ROBO2: variants seen among roughly 807,000 people sequenced by gnomAD.
ROBO2 encodes the protein roundabout guidance receptor 2.
Under a neutral mutation model 160.8 loss-of-function variants are expected in ROBO2, and 53 were observed. The observed-to-expected ratio is 0.33, with a 90% CI of 0.26 to 0.41. The LOEUF is 0.41. ROBO2 is among the 10% of genes least tolerant of loss of function. The pLI is 1.00. For synonymous variants in ROBO2, 664 were observed against 611.7 expected (o/e 1.09, Z -1.26); for missense variants, 1,577 against 1,722.4 (o/e 0.92, Z 1.49).
chr3:76,962,983 A>G (rs562797309), intron 2 of ROBO2, among the ~76,000 whole-genome samples: 113 of 152,300 alleles, frequency 7.4e-4, no homozygotes, highest in African/African-American at 2.6e-3. Context: ...TTAATCTAGT[A>G]GGAATTACTG....
intron 1 of ROBO2, among the ~76,000 whole-genome samples, chr3:75,931,598 C>T (rs928472279): frequency 5.9e-5 from 9 of 152,206 alleles, no homozygotes; most frequent in South Asian, 2.1e-4. Flanking sequence ...GTGATTCATC[C>T]GCCTTGGCCT....
intron 2 of ROBO2, among the ~76,000 whole-genome samples, chr3:77,467,156 G>A (rs192135473): frequency 6.4e-4 from 97 of 152,158 alleles, no homozygotes; most frequent in African/African-American, 2.3e-3. Context: ...TATTCAAATG[G>A]ACAACTATAG....
intron 6 of ROBO2, among the ~76,000 whole-genome samples, chr3:77,525,793 T>A (rs1298251543): frequency 6.6e-6 from 1 of 151,140 alleles, no homozygotes; most frequent in African/African-American, 2.4e-5. Flanking sequence ...TTCTTTTTTT[T>A]TTTTCTTTTG....
At chr3:76,551,289 AC>A (rs1034784890) in intron 2 of ROBO2, among the ~76,000 whole-genome samples, 16 of 152,070 alleles carry the variant, frequency 1.1e-4, no homozygotes, top group African/African-American at 3.9e-4. Context: ...GAAGGGAGCT[AC>A]CTACTAAAGG....
chr3:77,351,290 C>T (rs1221261661), intron 2 of ROBO2, among the ~76,000 whole-genome samples: 2 of 152,100 alleles, frequency 1.3e-5, no homozygotes, highest in Non-Finnish European at 2.9e-5. Context: ...ATTGTGATGG[C>T]ATAAGAACAC....
At chr3:76,274,341 A>G (rs1707790734) in intron 2 of ROBO2, among the ~76,000 whole-genome samples, 1 of 150,230 alleles carries the variant, frequency 6.7e-6, no homozygotes, top group Non-Finnish European at 1.5e-5. Flanking sequence ...CTAAAACTTA[A>G]AGTATAATTA....
At position 76,480,229 on chromosome 3, in the gene ROBO2, A is replaced by C. The variant is rs543458822; in HGVS notation, c.109+542627A>C. 3.3e-5 allele frequency among the ~76,000 whole-genome samples: 5 copies of C among 151,870 alleles called. No homozygotes were observed. In the South Asian group the frequency reaches 8.3e-4, roughly 25 times the overall value. ...GATTACACATTCACTTTTCTTCTTC[A>C]CTCTCCTAGAATAGTGATATCCTCC... On this transcript the variant is annotated intron_variant, in intron 2 of 26. Transcript: ENST00000487694.
At chr3:76,877,041 T>A (rs997848563) in intron 2 of ROBO2, among the ~76,000 whole-genome samples, 1 of 152,194 alleles carries the variant, frequency 6.6e-6, no homozygotes, top group African/African-American at 2.4e-5. Context: ...GGTAAAAGGA[T>A]ATTTTACATT....
At chr3:77,402,170 A>T (rs1291492493) in intron 2 of ROBO2, among the ~76,000 whole-genome samples, 1 of 152,186 alleles carries the variant, frequency 6.6e-6, no homozygotes, top group Non-Finnish European at 1.5e-5. Context: ...TCAGCAAACT[A>T]ACACAGGAAA....
intron 2 of ROBO2, among the ~76,000 whole-genome samples, chr3:76,465,998 G>GGTGTGTGTGTGTGTGTGT (rs57838247): frequency 6.8e-5 from 10 of 147,672 alleles, no homozygotes; most frequent in South Asian, 4.3e-4. Context: ...ATAAAATATG[G>GGTGTGTGTGTGTGTGTGT]GTGTGTGTGT....
At chr3:76,707,928 T>G (rs2093205111) in intron 2 of ROBO2, among the ~76,000 whole-genome samples, 1 of 151,964 alleles carries the variant, frequency 6.6e-6, no homozygotes, top group Non-Finnish European at 1.5e-5. Flanking sequence ...GAACTATATA[T>G]GTGAGCTGCT....
intron 4 of ROBO2, among the ~76,000 whole-genome samples, chr3:77,483,376 A>AG (rs2084937735): frequency 6.6e-6 from 1 of 152,056 alleles, no homozygotes; most frequent in Non-Finnish European, 1.5e-5. Flanking sequence ...AGAAAAAAAA[A>AG]CAGTGTACTA....
At chr3:77,319,855 C>T (rs1460361352) in intron 2 of ROBO2, among the ~76,000 whole-genome samples, 1 of 152,112 alleles carries the variant, frequency 6.6e-6, no homozygotes, top group Non-Finnish European at 1.5e-5. Context: ...GTTGCTTATG[C>T]TATTGGTCCT....
At chr3:76,838,230 G>A (rs899536579) in intron 2 of ROBO2, among the ~76,000 whole-genome samples, 5 of 152,046 alleles carry the variant, frequency 3.3e-5, no homozygotes, top group Non-Finnish European at 7.4e-5. Context: ...GGGTTTACTT[G>A]AGAGTGGATG....
At chr3:76,495,737 C>T (rs2080113820) in intron 2 of ROBO2, among the ~76,000 whole-genome samples, 1 of 152,050 alleles carries the variant, frequency 6.6e-6, no homozygotes, top group Non-Finnish European at 1.5e-5. Context: ...CAGCAGGTCT[C>T]ATACGTAATG....
chr3:76,919,523 G>A (rs1307436579), intron 2 of ROBO2, among the ~76,000 whole-genome samples: 1 of 151,820 alleles, frequency 6.6e-6, no homozygotes, highest in African/African-American at 2.4e-5. Flanking sequence ...TGTTTCCTCT[G>A]ACATTTTCTG....
chr3:76,077,859 A>G (rs1559892711), intron 2 of ROBO2, among the ~76,000 whole-genome samples: 1 of 151,974 alleles, frequency 6.6e-6, no homozygotes, highest in Non-Finnish European at 1.5e-5. Context: ...TGATTTAAGG[A>G]GACTGTTCAA....
rs1486901654 is a variant in ROBO2 at position 77,200,314 on chromosome 3, TA to T, written c.388+101975del. 2.8e-3 allele frequency among the ~76,000 whole-genome samples: 241 copies of T among 86,594 alleles called. 13 individuals carry two copies. In the East Asian group the frequency reaches 0.042, roughly 15 times the overall value. 56.8% of individuals were successfully genotyped at this position (86,594 alleles called of 152,430 possible). A position where few individuals can be genotyped will look rare whatever the true frequency, so the allele number is the denominator to read the frequency against. The stretch of plus-strand genomic sequence containing the variant: ...ATATATATATATATATATATATATA[TA>T]TATATATTTTAGTTTCTATAGGTAA... On this transcript the variant is annotated intron_variant, in intron 2 of 25. Transcript: ENST00000461745.
At chr3:76,254,239 A>G (rs1352929394) in intron 2 of ROBO2, among the ~76,000 whole-genome samples, 1 of 152,118 alleles carries the variant, frequency 6.6e-6, no homozygotes, top group Non-Finnish European at 1.5e-5. Flanking sequence ...TGAAGTCAGC[A>G]TATATTTTCT....
Sources: allele counts gnomAD v4.1 joint callset (sites outside exome capture counted in the v4.1 genomes callset), GRCh38; gene constraint gnomAD v4.1.1; transcripts MANE v1.5; gene names NCBI Gene and HGNC (gene_info 2026-07-23, HGNC 2026-07-21).